ADK: variants seen among roughly 807,000 people sequenced by gnomAD.
ADK encodes the protein adenosine kinase.
ADK carries 24 observed loss-of-function variants against 44.7 expected under a neutral mutation model. The ratio of observed to expected loss-of-function variants is 0.54; its 90% CI spans 0.39 to 0.76. The LOEUF is 0.76. ADK is among the 30% of genes least tolerant of loss of function. The probability of loss-of-function intolerance (pLI) is 0.00; values close to 1 mark genes in which losing one functional copy is unlikely to be tolerated. For missense variants in ADK, 321 were observed against 425.1 expected (o/e 0.76, Z 2.15); for synonymous variants, 128 against 142.6 (o/e 0.90, Z 0.73).
At chr10:74,464,205 G>A (rs565254178) in intron 6 of ADK, among the ~76,000 whole-genome samples, 85 of 152,134 alleles carry the variant, frequency 5.6e-4, no homozygotes, top group African/African-American at 2.0e-3. Context: ...CAAGTTTCTA[G>A]AAATTTTCAT....
At chr10:74,610,780 G>A (rs907451489) in intron 9 of ADK, among the ~76,000 whole-genome samples, 4 of 152,084 alleles carry the variant, frequency 2.6e-5, no homozygotes, top group African/African-American at 9.6e-5. Context: ...TTCTTTACCT[G>A]TTGGAGAGCA....
Position 74,593,566 on chromosome 10 carries a change from A to G in ADK, c.762+4249A>G, listed in dbSNP as rs80074963. 5.7e-3 allele frequency among the ~76,000 whole-genome samples: 869 copies of G among 152,330 alleles called. 5 individuals are homozygous for G. The highest frequency in any genetic ancestry group is 0.02 in the African/African-American group (816 of 41,564). Reference sequence around the variant, plus strand: ...TGAACGAGAGAGAACTTAATGTACTATGTACTCCAGGAACTGACAGAAGGC... The same window carrying G: ...TGAACGAGAGAGAACTTAATGTACTGTGTACTCCAGGAACTGACAGAAGGC... On this transcript the variant is annotated intron_variant, in intron 8 of 10. Transcript: ENST00000539909.
At chr10:74,200,156 G>GT (rs760622376) in intron 1 of ADK, among the ~76,000 whole-genome samples, 2,302 of 99,254 alleles carry the variant, frequency 0.023, 123 homozygotes, top group African/African-American at 0.032. Flanking sequence ...GACACCATCT[G>GT]TTTTTTTTTT....
intron 6 of ADK, among the ~76,000 whole-genome samples, chr10:74,473,686 G>A (rs1589146652): frequency 6.6e-6 from 1 of 152,224 alleles, no homozygotes; most frequent in East Asian, 1.9e-4. Flanking sequence ...ACATCAAGGT[G>A]TACGTAGTAT....
intron 6 of ADK, among the ~76,000 whole-genome samples, chr10:74,484,032 T>C (rs1847174988): frequency 6.6e-6 from 1 of 152,226 alleles, no homozygotes; most frequent in Non-Finnish European, 1.5e-5. Flanking sequence ...TTTTCAGTCA[T>C]CTTTATAGCC....
At chr10:74,473,052 T>G (rs1350447069) in intron 6 of ADK, among the ~76,000 whole-genome samples, 1 of 152,048 alleles carries the variant, frequency 6.6e-6, no homozygotes, top group Admixed American at 6.6e-5. Context: ...GACAGTGATG[T>G]GATCATGGCT....
rs1856685380 is a variant in ADK, at chr10:74,708,492, T to C, written c.*47T>C. On this transcript the variant is annotated 3_prime_UTR_variant, in exon 11 of 11. Transcript: ENST00000539909. The stretch of plus-strand genomic sequence containing the variant: ...CCCAGGAGTGCAGACACTGCCCTAA[T>C]TGCTTCCTGAGAATTCCCATATTAA... 1 of 1,598,514 alleles carries C rather than the reference T, an allele frequency of 6.3e-7. No individual in the cohort carries two copies. The highest frequency in any genetic ancestry group is 1.1e-5 in the South Asian group (1 of 90,630).
chr10:74,513,697 C>A (rs535492246), intron 6 of ADK, among the ~76,000 whole-genome samples: 8 of 152,060 alleles, frequency 5.3e-5, no homozygotes, highest in African/African-American at 1.7e-4. Flanking sequence ...TAGTATGTAT[C>A]TTTTAAATGT....
intron 1 of ADK, among the ~76,000 whole-genome samples, chr10:74,198,841 T>C (rs1843256948): frequency 6.6e-6 from 1 of 152,182 alleles, no homozygotes; most frequent in Non-Finnish European, 1.5e-5. Context: ...TCGTTTCTTG[T>C]TGATTTGTTT....
At chr10:74,273,566 T>C (rs1846529061) in intron 3 of ADK, among the ~76,000 whole-genome samples, 1 of 152,114 alleles carries the variant, frequency 6.6e-6, no homozygotes, top group African/African-American at 2.4e-5. Context: ...CAAGCAATTC[T>C]CCTGCCTTGG....
chr10:74,372,543 A>G (rs1842694329), intron 4 of ADK: 5 of 328,302 alleles, frequency 1.5e-5, no homozygotes, highest in South Asian at 6.8e-5. Flanking sequence ...AGAAAAATAT[A>G]TTGGATTTTT....
chr10:74,597,324 T>A (rs1250199663), intron 8 of ADK, among the ~76,000 whole-genome samples: 1 of 152,180 alleles, frequency 6.6e-6, no homozygotes, highest in East Asian at 1.9e-4. Flanking sequence ...CTTCACCCAG[T>A]TTACCCTAAT....
intron 1 of ADK, among the ~76,000 whole-genome samples, chr10:74,184,015 C>G (rs913624347): frequency 6.6e-6 from 1 of 152,078 alleles, no homozygotes; most frequent in Non-Finnish European, 1.5e-5. Flanking sequence ...CTCCCGGATT[C>G]AAGCAATTCT....
chr10:74,351,025 C>G (rs762875386), intron 4 of ADK, among the ~76,000 whole-genome samples: 3 of 152,202 alleles, frequency 2.0e-5, no homozygotes, highest in Non-Finnish European at 4.4e-5. Context: ...ACCATTCCTT[C>G]TGAAACTATT....
chr10:74,698,410 G>A (rs995822412), intron 10 of ADK, among the ~76,000 whole-genome samples: 16 of 152,306 alleles, frequency 1.1e-4, no homozygotes, highest in South Asian at 1.0e-3. Flanking sequence ...TACTGATAAG[G>A]ACCACAAGCC....
At chr10:74,401,011 C>T (rs1000745382) in intron 6 of ADK, among the ~76,000 whole-genome samples, 6 of 152,164 alleles carry the variant, frequency 3.9e-5, no homozygotes, top group African/African-American at 1.2e-4. Context: ...GGTTTAAATA[C>T]AGTGCCAAGA....
chr10:74,356,653 C>T (rs1002853194), intron 4 of ADK, among the ~76,000 whole-genome samples: 2 of 152,158 alleles, frequency 1.3e-5, no homozygotes, highest in African/African-American at 4.8e-5. Context: ...TTTCAACATC[C>T]AATGTCTCAA....
intron 9 of ADK, among the ~76,000 whole-genome samples, chr10:74,627,188 CA>C (rs554169177): frequency 1.0e-4 from 15 of 144,746 alleles, no homozygotes; most frequent in African/African-American, 1.5e-4. Context: ...ACAGGGTAAT[CA>C]AAAAAAAAAG....
chr10:74,216,602 G>T (rs1419743431), intron 2 of ADK, among the ~76,000 whole-genome samples: 2 of 151,770 alleles, frequency 1.3e-5, no homozygotes, highest in Non-Finnish European at 2.9e-5. Context: ...GTGCATGCCT[G>T]TAGTCCCAGC....
Sources: allele counts gnomAD v4.1 joint callset (sites outside exome capture counted in the v4.1 genomes callset), GRCh38; gene constraint gnomAD v4.1.1; transcripts MANE v1.5; gene names NCBI Gene and HGNC (gene_info 2026-07-23, HGNC 2026-07-21).